The following ERG variants were observed in gnomAD, a reference collection of about 807,000 sequenced individuals.
ERG encodes ETS transcription factor ERG.
ERG carries 9 observed loss-of-function variants against 55.3 expected under a neutral mutation model. The observed-to-expected ratio is 0.16, with a 90% confidence interval of 0.10 to 0.28. The LOEUF (loss-of-function observed/expected upper bound fraction) is 0.28. Among genes scored for constraint, ERG ranks in the 10% least tolerant of loss-of-function variants. The probability of loss-of-function intolerance (pLI) is 1.00; values close to 1 mark genes in which losing one functional copy is unlikely to be tolerated. For synonymous variants in ERG, 223 were observed against 237.3 expected (o/e 0.94, Z 0.55); for missense variants, 434 against 631.6 (o/e 0.69, Z 3.35).
intron 1 of ERG, among the ~76,000 whole-genome samples, chr21:38,478,155 A>T (rs533101270): frequency 1.3e-5 from 2 of 152,330 alleles, no homozygotes; most frequent in South Asian, 4.1e-4. Flanking sequence ...CCCCAATAAC[A>T]GTTTTGGAGA....
At chr21:38,501,363 G>A (rs900745139), upstream of ERG, among the ~76,000 whole-genome samples, 2 of 151,972 alleles carry the variant, frequency 1.3e-5, no homozygotes, top group African/African-American at 2.4e-5. Context: ...CACCACGCCC[G>A]GCCAAGGCAC....
chr21:38,411,916 G>T (rs1989075356), intron 3 of ERG, among the ~76,000 whole-genome samples: 1 of 152,160 alleles, frequency 6.6e-6, no homozygotes, highest in Non-Finnish European at 1.5e-5. Context: ...TATTTGTCAT[G>T]AATTTAGCCT....
At chr21:38,458,472 T>G (rs2059011099) in intron 1 of ERG, among the ~76,000 whole-genome samples, 2 of 149,384 alleles carry the variant, frequency 1.3e-5, no homozygotes, top group South Asian at 4.3e-4. Context: ...CCAGTCAGGC[T>G]CCCATGGGCC....
At chr21:38,426,793 G>T (rs1243087791) in intron 2 of ERG, among the ~76,000 whole-genome samples, 11 of 151,926 alleles carry the variant, frequency 7.2e-5, no homozygotes, top group African/African-American at 2.7e-4. Context: ...AGCCGGGCGT[G>T]GTGGTGCATG....
At chr21:38,619,694 A>C (rs893324303) in intron 1 of ERG, among the ~76,000 whole-genome samples, 2 of 152,272 alleles carry the variant, frequency 1.3e-5, no homozygotes, top group Non-Finnish European at 2.9e-5. Context: ...TTCATAAATT[A>C]GCTAGTCAGC....
intron 1 of ERG, among the ~76,000 whole-genome samples, chr21:38,627,943 C>CTTTT (rs10650499): frequency 0.01 from 1,441 of 142,614 alleles, 18 homozygotes; most frequent in African/African-American, 0.024. Flanking sequence ...GTTTTCTCTT[C>CTTTT]TTTTTTTTTT....
chr21:38,607,298 T>G (rs1001500467), intron 1 of ERG, among the ~76,000 whole-genome samples: 1 of 152,052 alleles, frequency 6.6e-6, no homozygotes, highest in African/African-American at 2.4e-5. Context: ...ATATCTTCAA[T>G]AAGAAGAAAA....
intron 2 of ERG, among the ~76,000 whole-genome samples, chr21:38,440,374 G>A (rs542594783): frequency 2.0e-5 from 3 of 152,328 alleles, no homozygotes; most frequent in Admixed American, 6.5e-5. Flanking sequence ...GAGCCCCTCC[G>A]TGGCAGAATC....
intron 2 of ERG, among the ~76,000 whole-genome samples, chr21:38,444,218 A>C (rs1412730134): frequency 6.6e-6 from 1 of 152,228 alleles, no homozygotes; most frequent in Admixed American, 6.5e-5. Flanking sequence ...GCTTCAACAG[A>C]GTGGAAAATG....
At chr21:38,417,772 G>C (rs897354524) in intron 3 of ERG, among the ~76,000 whole-genome samples, 2 of 152,094 alleles carry the variant, frequency 1.3e-5, no homozygotes, top group African/African-American at 4.8e-5. Flanking sequence ...CTGGGCAACA[G>C]AGCGAGGCTC....
intron 1 of ERG, among the ~76,000 whole-genome samples, chr21:38,625,266 C>T (rs1453623696): frequency 2.0e-5 from 3 of 151,964 alleles, no homozygotes; most frequent in Non-Finnish European, 4.4e-5. Flanking sequence ...TGGAAGAATA[C>T]AAAATTTTAA....
In ERG at chr21:38,654,430, C is replaced by T. The variant is rs148063070; in HGVS notation, c.-150+7228G>A. ...GAGGCTGCAGTGAGCCAAGAATGTG[C>T]CATTGCACTCCAGCCTGGGCAACAG... On this transcript the variant is annotated intron_variant, in intron 1 of 10. Transcript: ENST00000398910. Among the ~76,000 whole-genome samples the T allele has an allele frequency of 3.4e-3, 525 of 152,354 alleles. 7 individuals are homozygous for T. The highest frequency in any genetic ancestry group is 0.012 in the African/African-American group (480 of 41,580).
intron 2 of ERG, among the ~76,000 whole-genome samples, chr21:38,575,508 T>C (rs1468281346): frequency 6.6e-6 from 1 of 152,224 alleles, no homozygotes; most frequent in Non-Finnish European, 1.5e-5. Flanking sequence ...TATGCTTCTT[T>C]TGATTTTTCA....
chr21:38,587,818 A>G (rs531875063), upstream of ERG, among the ~76,000 whole-genome samples: 7 of 152,234 alleles, frequency 4.6e-5, no homozygotes, highest in South Asian at 2.1e-4. Context: ...AAGATTTCCT[A>G]TACTATGCTA....
At chr21:38,427,037 C>T (rs996465356) in intron 2 of ERG, among the ~76,000 whole-genome samples, 1 of 152,116 alleles carries the variant, frequency 6.6e-6, no homozygotes, top group Non-Finnish European at 1.5e-5. Flanking sequence ...TTTTCATATC[C>T]GAGGACAAGA....
intron 2 of ERG, among the ~76,000 whole-genome samples, chr21:38,513,019 T>C (rs1717550030): frequency 6.6e-6 from 1 of 151,770 alleles, no homozygotes; most frequent in Non-Finnish European, 1.5e-5. Context: ...TAATCCCAGC[T>C]ACTCAGGAGG....
At chr21:38,545,508 G>C (rs79921033) in intron 2 of ERG, among the ~76,000 whole-genome samples, 289 of 152,126 alleles carry the variant, frequency 1.9e-3, no homozygotes, top group African/African-American at 6.4e-3. Context: ...CCCTTTCTCT[G>C]TGACGGATAT....
chr21:38,544,569 G>A (rs2059776091), intron 2 of ERG, among the ~76,000 whole-genome samples: 1 of 152,142 alleles, frequency 6.6e-6, no homozygotes, highest in Non-Finnish European at 1.5e-5. Context: ...CTCTTCAAAC[G>A]TGATCCTACT....
intron 2 of ERG, among the ~76,000 whole-genome samples, chr21:38,517,033 C>T (rs2059557278): frequency 6.6e-6 from 1 of 151,946 alleles, no homozygotes; most frequent in Non-Finnish European, 1.5e-5. Flanking sequence ...ATAGAGAAAA[C>T]ATTTCAGGAC....
Sources: gnomAD v4.1 joint callset for allele counts (sites outside exome capture counted in the v4.1 genomes callset) on GRCh38, gnomAD v4.1.1 for gene constraint, MANE v1.5 for transcripts, NCBI Gene and HGNC (gene_info 2026-07-23, HGNC 2026-07-21) for gene names.